Variants in DPYSL2 observed in about 807,000 individuals in gnomAD.
DPYSL2 encodes the protein dihydropyrimidinase-related protein 2.
A neutral mutation model predicts 69.9 loss-of-function variants in DPYSL2; 13 were observed. The observed-to-expected ratio is 0.19, with a 90% confidence interval of 0.12 to 0.30. The LOEUF is 0.30. Ranked by LOEUF, DPYSL2 falls within the 10% of genes least tolerant of loss-of-function variation. The probability of loss-of-function intolerance (pLI) is 1.00; values close to 1 mark genes in which losing one functional copy is unlikely to be tolerated. For missense variants in DPYSL2, 587 were observed against 918.9 expected (o/e 0.64, Z 4.67); for synonymous variants, 326 against 359.1 (o/e 0.91, Z 1.04).
chr8:26,645,067 A>G (rs73567695), intron 10 of DPYSL2, among the ~76,000 whole-genome samples: 5,587 of 152,164 alleles, frequency 0.037, 317 homozygotes, highest in African/African-American at 0.13. Context: ...AGGCACACAC[A>G]TGTATATGTG....
intron 3 of DPYSL2, among the ~76,000 whole-genome samples, chr8:26,603,938 A>G (rs1461105170): frequency 1.3e-5 from 2 of 152,224 alleles, no homozygotes; most frequent in Non-Finnish European, 2.9e-5. Context: ...TAATGCTGCT[A>G]TGAACATGAG....
Position 26,627,334 on chromosome 8 carries a change from G to A in DPYSL2, c.936+39G>A. ...TTTTTCGTCATTTCTTCATCACCTGGAGGGTGAGAGGCAGGCTCAAGAAAG... is the reference window on the plus strand; with the variant it reads ...TTTTTCGTCATTTCTTCATCACCTGAAGGGTGAGAGGCAGGCTCAAGAAAG... On this transcript the variant is annotated intron_variant, in intron 6 of 13. Transcript: ENST00000521913. The surrounding 1 kb of genome is among the most constrained non-coding windows in gnomAD (Gnocchi z 6.9). 1 of 1,590,454 alleles carries A rather than the reference G, an allele frequency of 6.3e-7. No individual in the cohort carries two copies. Among genetic ancestry groups the A allele is most frequent in the South Asian group, 1.1e-5 (1 of 90,512 alleles).
intron 1 of DPYSL2, among the ~76,000 whole-genome samples, chr8:26,567,198 A>G (rs1445013170): frequency 6.8e-6 from 1 of 148,082 alleles, no homozygotes; most frequent in Non-Finnish European, 1.5e-5. Flanking sequence ...CCATCCACAC[A>G]TCATCTGTCT....
In DPYSL2 at chr8:26,610,510, A is replaced by G. The variant is rs1040505062; in HGVS notation, c.629-13633A>G. On this transcript the variant is annotated intron_variant, in intron 3 of 13. Transcript: ENST00000521913. This position sits in a 1 kb window ranked among gnomAD's most constrained non-coding sequence, Gnocchi z 4.5. ...GATTTGTCTTGTTTGTTTGGGTCGT[A>G]TGCAGTTTCATGCAGAAGACTTAGC... Among the ~76,000 whole-genome samples, 2 of 152,116 alleles carry G rather than the reference A, an allele frequency of 1.3e-5. No individual in the cohort carries two copies. Among genetic ancestry groups the G allele is most frequent in the Non-Finnish European group, 2.9e-5 (2 of 68,032 alleles).
At chr8:26,645,547 T>C (rs748546718) in intron 10 of DPYSL2, among the ~76,000 whole-genome samples, 12 of 152,226 alleles carry the variant, frequency 7.9e-5, no homozygotes, top group Non-Finnish European at 1.5e-4. Context: ...ATGTGAGTGC[T>C]AAACTGGGAC....
chr8:26,634,735 G>T (rs772877572), intron 7 of DPYSL2, 45 bp from the exon 8 acceptor site: 258 of 1,612,634 alleles, frequency 1.6e-4, no homozygotes, highest in Middle Eastern at 3.3e-4. Flanking sequence ...AGCGGCTCGT[G>T]GGGTGGGCTG....
At chr8:26,539,805 A>G (rs1800649917) in intron 1 of DPYSL2, among the ~76,000 whole-genome samples, 2 of 152,184 alleles carry the variant, frequency 1.3e-5, no homozygotes, top group African/African-American at 4.8e-5. Context: ...CTGCCAGAGT[A>G]GGATCGCTAC....
chr8:26,643,352 C>T lies in DPYSL2; in HGVS notation c.1127-87C>T. 1 of 1,423,402 alleles carries T rather than the reference C, an allele frequency of 7.0e-7. No homozygotes were observed. The highest frequency in any genetic ancestry group is 9.5e-7 in the Non-Finnish European group (1 of 1,054,386). 88.2% of individuals were successfully genotyped at this position (1,423,402 alleles called of 1,614,324 possible). On this transcript the variant is annotated intron_variant, in intron 8 of 13. Coordinates refer to ENST00000521913, the MANE Select transcript of DPYSL2 (RefSeq NM_001197293.3). This position sits in a 1 kb window ranked among gnomAD's most constrained non-coding sequence, Gnocchi z 6.5. The stretch of plus-strand genomic sequence containing the variant: ...AAAGGGATAGTGAGTGCACTGGGTG[C>T]TGCTGGGCAGGCAGTGGCTCCTCAT...
At position 26,643,231 on chromosome 8, in the gene DPYSL2, G is replaced by C. The variant is rs1803091791; in HGVS notation, c.1127-208G>C. The C allele has an allele frequency of 2.0e-6, 1 of 492,292 alleles. No individual in the cohort carries two copies. The highest frequency in any genetic ancestry group is 5.1e-4 in the Middle Eastern group (1 of 1,944). The allele number at this position is 492,292 out of a possible 1,614,324, so 30.5% of individuals were successfully genotyped here. On this transcript the variant is annotated intron_variant, in intron 8 of 13. Coordinates refer to ENST00000521913, the MANE Select transcript of DPYSL2 (RefSeq NM_001197293.3). This position sits in a 1 kb window ranked among gnomAD's most constrained non-coding sequence, Gnocchi z 6.5. ...GTTGTTTGAAGAGCAGGGGCTGAAG[G>C]TGGAATCTTGGGGAGCTCATGACAG... is the stretch of plus-strand genomic sequence containing the variant.
rs1802624875 is a variant in DPYSL2 at position 26,626,720 on chromosome 8, G to T, written c.855+42G>T. 1.9e-6 allele frequency: 3 copies of T among 1,602,852 alleles called. No homozygotes were observed. The Admixed American group carries it at 5.0e-5, about 27-fold the overall frequency. ...TTCGGAAGAGGCACCCTGACATTTG[G>T]TACCTTCAGGCTGTGGCCGTTTGGG... On this transcript the variant is annotated intron_variant, in intron 5 of 13. Transcript: ENST00000521913. This position sits in a 1 kb window ranked among gnomAD's most constrained non-coding sequence, Gnocchi z 4.3.
chr8:26,653,430 G>A lies in DPYSL2; in HGVS notation c.1942+33G>A. The A allele has an allele frequency of 6.3e-7, 1 of 1,586,876 alleles. No homozygotes were observed. The highest frequency in any genetic ancestry group is 2.3e-5 in the East Asian group (1 of 44,224). On this transcript the variant is annotated intron_variant, in intron 13 of 13. Transcript: ENST00000521913. The surrounding 1 kb of genome is among the most constrained non-coding windows in gnomAD (Gnocchi z 5.7). ...TGGGGCTTGGGGAGGGCACAGTTCTGCAGGGCCAGCTCGCTGGTGCTGGCG... is the reference window on the plus strand; with the variant it reads ...TGGGGCTTGGGGAGGGCACAGTTCTACAGGGCCAGCTCGCTGGTGCTGGCG...
rs531612855 is a variant in DPYSL2, at chr8:26,620,479, C to T, written c.629-3664C>T. On this transcript the variant is annotated intron_variant, in intron 3 of 13. Transcript: ENST00000521913. The surrounding 1 kb of genome is among the most constrained non-coding windows in gnomAD (Gnocchi z 4.5). ...TCATGTTGCCCAGGCTGGTCTCGAA[C>T]TCCTGGCCTCAAGTGATCTTTTGCC... is the stretch of plus-strand genomic sequence containing the variant. Among the ~76,000 whole-genome samples the T allele has an allele frequency of 6.2e-4, 94 of 152,260 alleles. No homozygotes were observed. Among genetic ancestry groups the T allele is most frequent in the Admixed American group, 2.3e-3 (35 of 15,304 alleles).
rs535500789 is a variant in DPYSL2, at chr8:26,625,565, G to T, written c.794-1052G>T. ...TAAAATTGTGATGAATGTTGGGCAG[G>T]GATGTTTGGTCTGGTGCCTAGGGAG... On this transcript the variant is annotated intron_variant, in intron 4 of 13. Coordinates refer to ENST00000521913, the MANE Select transcript of DPYSL2 (RefSeq NM_001197293.3). Among the ~76,000 whole-genome samples, 6 of 152,288 alleles carry T rather than the reference G, an allele frequency of 3.9e-5. No individual in the cohort carries two copies. The South Asian group carries it at 1.2e-3, about 32-fold the overall frequency.
At chr8:26,632,018 GT>G (rs1229435668) in intron 7 of DPYSL2, among the ~76,000 whole-genome samples, 12 of 152,222 alleles carry the variant, frequency 7.9e-5, no homozygotes, top group Non-Finnish European at 1.8e-4. Flanking sequence ...CTTCTCTGTA[GT>G]TTGGTGACCT....
Position 26,549,771 on chromosome 8 carries a change from G to A in DPYSL2, c.355-32198G>A, listed in dbSNP as rs535316461. Reference sequence around the variant, plus strand: ...AGAAGAGAGTGAAGTGAAAGATTTCGTGCTGAAAGAACAAAAACACCAATG... The same window carrying A: ...AGAAGAGAGTGAAGTGAAAGATTTCATGCTGAAAGAACAAAAACACCAATG... On this transcript the variant is annotated intron_variant, in intron 1 of 13. Coordinates refer to ENST00000521913, the MANE Select transcript of DPYSL2 (RefSeq NM_001197293.3). Among the ~76,000 whole-genome samples the A allele has an allele frequency of 9.5e-4, 144 of 152,182 alleles. 1 individual carries two copies. The highest frequency in any genetic ancestry group is 1.6e-3 in the Non-Finnish European group (108 of 68,042).
In DPYSL2 at chr8:26,605,169, C is replaced by T. The variant is rs1317953487; in HGVS notation, c.629-18974C>T. 2.6e-5 allele frequency among the ~76,000 whole-genome samples: 4 copies of T among 152,066 alleles called. No homozygotes were observed. Among genetic ancestry groups the T allele is most frequent in the Non-Finnish European group, 5.9e-5 (4 of 68,038 alleles). ...ACCAGGGCTGGCCCATCAAGTACCTCAATATATTGCTCCCTGATGAGGGAG... is the reference window on the plus strand; with the variant it reads ...ACCAGGGCTGGCCCATCAAGTACCTTAATATATTGCTCCCTGATGAGGGAG... On this transcript the variant is annotated intron_variant, in intron 3 of 13. Coordinates refer to ENST00000521913, the MANE Select transcript of DPYSL2 (RefSeq NM_001197293.3). The surrounding 1 kb of genome is among the most constrained non-coding windows in gnomAD (Gnocchi z 4.1).
intron 11 of DPYSL2, among the ~76,000 whole-genome samples, chr8:26,649,174 C>T (rs567777209): frequency 6.6e-6 from 1 of 152,330 alleles, no homozygotes; most frequent in South Asian, 2.1e-4. Flanking sequence ...GCTTAGAGAG[C>T]TTAAGTGACC....
At chr8:26,645,458 A>T (rs562236490) in intron 10 of DPYSL2, among the ~76,000 whole-genome samples, 67 of 151,360 alleles carry the variant, frequency 4.4e-4, no homozygotes, top group East Asian at 1.5e-3. Flanking sequence ...AGTCTTTTTT[A>T]AAAAAAATTT....
At chr8:26,649,058 C>T (rs546667702) in intron 11 of DPYSL2, among the ~76,000 whole-genome samples, 3 of 152,354 alleles carry the variant, frequency 2.0e-5, no homozygotes, top group South Asian at 4.1e-4. Context: ...ATGAACCTCC[C>T]TATTCATGTG....
Sources: gnomAD v4.1 joint callset for allele counts (sites outside exome capture counted in the v4.1 genomes callset) on GRCh38, gnomAD v4.1.1 for gene constraint, Gnocchi (gnomAD v3.1) non-coding constraint, MANE v1.5 for transcripts, NCBI Gene and HGNC (gene_info 2026-07-23, HGNC 2026-07-21) for gene names.